The following SMARCA5 variants were observed in gnomAD, a reference collection of about 807,000 sequenced individuals.
SMARCA5 encodes SNF2 related chromatin remodeling ATPase 5.
A neutral mutation model predicts 140.4 loss-of-function variants in SMARCA5; 18 were observed. That is an observed-to-expected ratio of 0.13 (90% confidence interval 0.09 to 0.19). The LOEUF is 0.19. Among genes scored for constraint, SMARCA5 ranks in the 10% least tolerant of loss-of-function variants. SMARCA5 has a pLI of 1.00. For missense variants in SMARCA5, 606 were observed against 1,276.8 expected (o/e 0.47, Z 8.01); for synonymous variants, 449 against 419.6 (o/e 1.07, Z -0.86).
At chr4:143,525,588 G>A in intron 5 of SMARCA5, 37 bp downstream of exon 5, 1 of 1,335,886 alleles carries the variant, frequency 7.5e-7, no homozygotes, top group Non-Finnish European at 1.1e-6. Context: ...GGTATGTTTT[G>A]TATTGAAAAT....
intron 1 of SMARCA5, 80 bp from the exon 2 acceptor site, chr4:143,517,275 G>A (rs1736860185): frequency 1.1e-6 from 1 of 947,350 alleles, no homozygotes; most frequent in Non-Finnish European, 1.6e-6. Flanking sequence ...TTTAAGATGT[G>A]TTTTGGTCAG....
At chr4:143,518,143 A>G (rs1450587061) in intron 2 of SMARCA5, among the ~76,000 whole-genome samples, 1 of 152,164 alleles carries the variant, frequency 6.6e-6, no homozygotes, top group African/African-American at 2.4e-5. Flanking sequence ...GCATTTTTAT[A>G]TTATAGATGG....
At chr4:143,534,821 T>C (rs200396007) in intron 9 of SMARCA5, 34 bp from the exon 10 acceptor site, 19 of 1,436,400 alleles carry the variant, frequency 1.3e-5, no homozygotes, top group East Asian at 2.3e-5. Flanking sequence ...ATGTGTAATA[T>C]TGGTATTACC....
intron 14 of SMARCA5, among the ~76,000 whole-genome samples, chr4:143,542,411 G>A (rs140638853): frequency 1.1e-3 from 174 of 152,192 alleles, no homozygotes; most frequent in African/African-American, 4.1e-3. Flanking sequence ...TGAAGGTTCC[G>A]GAACCTTCCT....
chr4:143,534,221 G>A (rs1737257435), intron 9 of SMARCA5, among the ~76,000 whole-genome samples: 1 of 151,956 alleles, frequency 6.6e-6, no homozygotes, highest in Admixed American at 6.6e-5. Flanking sequence ...AGATGCACTG[G>A]GAAATGTGAC....
intron 13 of SMARCA5, 133 bp downstream of exon 13, chr4:143,539,071 T>A: frequency 2.6e-6 from 2 of 777,006 alleles, no homozygotes; most frequent in Non-Finnish European, 4.1e-6. Flanking sequence ...AGTGAGAGTA[T>A]ATTGAGGTGA....
rs1006567891 is a variant in SMARCA5 at position 143,544,855 on chromosome 4, G to C, written c.2283+8G>C. ...GAACCTAAAGCACCCAAGGTGAGTT[G>C]ACTGACACAGCATAAAAATATCTAA... is the stretch of plus-strand genomic sequence containing the variant. On this transcript the variant is annotated splice_region_variant and intron_variant, in intron 17 of 23. Transcript: ENST00000283131. 1 of 1,400,878 alleles carries C rather than the reference G, an allele frequency of 7.1e-7. No individual in the cohort carries two copies. The highest frequency in any genetic ancestry group is 1.0e-6 in the Non-Finnish European group (1 of 999,088). The allele number at this position is 1,400,878 out of a possible 1,614,324, so 86.8% of individuals were successfully genotyped here.
At chr4:143,548,180 C>T in intron 22 of SMARCA5, 40 bp downstream of exon 22, 1 of 1,186,932 alleles carries the variant, frequency 8.4e-7, no homozygotes, top group Non-Finnish European at 1.2e-6. Context: ...TAGCAGAGTT[C>T]AGAGTAAGTG....
intron 17 of SMARCA5, 99 bp downstream of exon 17, chr4:143,544,946 T>TA: frequency 9.2e-6 from 5 of 544,038 alleles, no homozygotes; most frequent in East Asian, 3.3e-5. Context: ...ATTTTGTGTT[T>TA]CTTTTTTTTT....
chr4:143,543,516 T>A lies in SMARCA5; in HGVS notation c.1911T>A (p.Leu637=). ...LDSIVIQQGR[L]VDQNLNKIGK... ...AACACAATCTTTTTTCAGGGAGGCT[T>A]GTGGATCAGAATCTGAACAAAATTG... The change falls in exon 15 of 24, where the codon CTT becomes CTA. Residue 637 remains leucine, a synonymous_variant. Coordinates refer to ENST00000283131, the MANE Select transcript of SMARCA5 (RefSeq NM_003601.4). The A allele has an allele frequency of 6.2e-7, 1 of 1,612,710 alleles. No individual in the cohort carries two copies. The highest frequency in any genetic ancestry group is 1.1e-5 in the South Asian group (1 of 90,922).
chr4:143,517,481 G>A lies in SMARCA5; in HGVS notation c.252+52G>A, dbSNP rs190067663. 1.0e-5 allele frequency: 11 copies of A among 1,098,774 alleles called. No homozygotes were observed. In the East Asian group the frequency reaches 2.6e-4, roughly 26 times the overall value. 68.1% of individuals were successfully genotyped at this position (1,098,774 alleles called of 1,614,324 possible). On this transcript the variant is annotated intron_variant, in intron 2 of 23. Transcript: ENST00000283131. ...CTATAAGGAAAACTTTTTATCAGGT[G>A]ATTAAATGTACTAAACATCTATCTT...
At position 143,543,905 on chromosome 4, in the gene SMARCA5, A is replaced by G; in HGVS notation, c.2105A>G (p.Asn702Ser). The G allele has an allele frequency of 6.2e-7, 1 of 1,610,622 alleles. No homozygotes were observed. The highest frequency in any genetic ancestry group is 8.5e-7 in the Non-Finnish European group (1 of 1,178,128). ...LSKMGESSLRNFTMDTESSVY... is the reference protein window; with the variant it reads ...LSKMGESSLRSFTMDTESSVY... Reference sequence around the variant, plus strand: ...AAGATGGGCGAAAGTTCACTTAGAAACTTTACAATGGATACAGAGTCAAGT... The same window carrying G: ...AAGATGGGCGAAAGTTCACTTAGAAGCTTTACAATGGATACAGAGTCAAGT... Residue 702 changes from asparagine (N) to serine (S), a missense_variant, in exon 16 of 24, where the codon AAC becomes AGC. By Grantham distance (46) the Asn-to-Ser change is conservative (BLOSUM62 1). This residue lies in a region of SMARCA5 where 62 missense variants were observed against 256.6 expected (regional missense o/e 0.24). Transcript: ENST00000283131.
Position 143,547,548 on chromosome 4 carries a change from T to A in SMARCA5, c.2772+45T>A, listed in dbSNP as rs200496163. The A allele has an allele frequency of 2.2e-5, 21 of 975,912 alleles. No individual in the cohort carries two copies. The East Asian group carries it at 4.8e-4, about 22-fold the overall frequency. 60.5% of individuals were successfully genotyped at this position (975,912 alleles called of 1,614,324 possible). Reference sequence around the variant, plus strand: ...GTTAGGTAGTTAATAAAATAACTCCTAGCTGTGAGTATGAGAGAGTGACTT... The same window carrying A: ...GTTAGGTAGTTAATAAAATAACTCCAAGCTGTGAGTATGAGAGAGTGACTT... On this transcript the variant is annotated intron_variant, in intron 21 of 23. Coordinates refer to ENST00000283131, the MANE Select transcript of SMARCA5 (RefSeq NM_003601.4).
intron 8 of SMARCA5, among the ~76,000 whole-genome samples, chr4:143,529,059 C>A (rs1258591119): frequency 1.3e-5 from 2 of 152,082 alleles, no homozygotes; most frequent in Non-Finnish European, 2.9e-5. Context: ...CTCAGCCTTC[C>A]GAATAGCTGA....
intron 13 of SMARCA5, 82 bp from the exon 14 acceptor site, chr4:143,540,276 TTTTAA>T (rs1238298308): frequency 2.0e-6 from 2 of 1,022,626 alleles, no homozygotes; most frequent in Non-Finnish European, 2.8e-6. Flanking sequence ...TTTCAGAATA[TTTTAA>T]TTTTTTTTCT....
chr4:143,540,032 T>A (rs966328323), intron 13 of SMARCA5, among the ~76,000 whole-genome samples: 1 of 152,240 alleles, frequency 6.6e-6, no homozygotes, highest in Non-Finnish European at 1.5e-5. Context: ...TGCTAAGTTG[T>A]TTCATGTCAC....
rs1379440629 is a variant in SMARCA5 at position 143,557,438 on chromosome 4, T to G, written c.*4254T>G. 1 of 152,164 alleles carries G rather than the reference T, an allele frequency of 6.6e-6. No homozygotes were observed. Among genetic ancestry groups the G allele is most frequent in the Non-Finnish European group, 1.5e-5 (1 of 68,034 alleles). 9.4% of individuals were successfully genotyped at this position (152,164 alleles called of 1,614,324 possible). On this transcript the variant is annotated 3_prime_UTR_variant, in exon 24 of 24. Coordinates refer to ENST00000283131, the MANE Select transcript of SMARCA5 (RefSeq NM_003601.4). Reference sequence around the variant, plus strand: ...ATTGTGAATAAATTGGGAAAAGAAATAGAGATAAGTAGAGATTATTTCACT... The same window carrying G: ...ATTGTGAATAAATTGGGAAAAGAAAGAGAGATAAGTAGAGATTATTTCACT...
intron 9 of SMARCA5, among the ~76,000 whole-genome samples, chr4:143,530,762 G>A (rs1737166982): frequency 6.6e-6 from 1 of 152,136 alleles, no homozygotes; most frequent in Non-Finnish European, 1.5e-5. Flanking sequence ...TTCTCTTACA[G>A]TTATACAAAA....
chr4:143,523,630 G>A (rs1737008872), intron 3 of SMARCA5, among the ~76,000 whole-genome samples: 1 of 152,144 alleles, frequency 6.6e-6, no homozygotes, highest in Admixed American at 6.5e-5. Context: ...TTGAATTTCT[G>A]AGGAATGCTT....
Sources: allele counts gnomAD v4.1 joint callset (sites outside exome capture counted in the v4.1 genomes callset), GRCh38; gene constraint gnomAD v4.1.1; regional missense constraint gnomAD v4.1.1; transcripts MANE v1.5; gene names NCBI Gene and HGNC (gene_info 2026-07-23, HGNC 2026-07-21).